MAGI2: variants seen among roughly 807,000 people sequenced by gnomAD.
MAGI2 encodes the protein membrane-associated guanylate kinase, WW and PDZ domain-containing protein 2.
MAGI2 carries 35 observed loss-of-function variants against 133.3 expected under a neutral mutation model. That is an observed-to-expected ratio of 0.26 (90% CI 0.20 to 0.35). The LOEUF is 0.35. MAGI2 is among the 10% of genes least tolerant of loss of function. The pLI, the probability that MAGI2 is intolerant of heterozygous loss-of-function variation, is 1.00. For missense variants in MAGI2, 1,636 were observed against 1,863.4 expected (o/e 0.88, Z 2.25); for synonymous variants, 729 against 710.6 (o/e 1.03, Z -0.41).
chr7:79,397,604 A>C (rs1209497692), intron 1 of MAGI2, among the ~76,000 whole-genome samples: 2 of 152,090 alleles, frequency 1.3e-5, no homozygotes, highest in East Asian at 3.9e-4. Context: ...CCATACTCTA[A>C]CCAGCTTTTA....
intron 2 of MAGI2, among the ~76,000 whole-genome samples, chr7:78,788,565 G>T (rs149175449): frequency 1.4e-5 from 2 of 147,858 alleles, no homozygotes; most frequent in African/African-American, 2.5e-5. Context: ...TGAATTATGG[G>T]CACCTATCTT....
chr7:78,041,003 C>T lies in MAGI2; in HGVS notation c.3707-21027G>A, dbSNP rs148153507. On this transcript the variant is annotated intron_variant, in intron 21 of 21. Coordinates refer to ENST00000354212, the MANE Select transcript of MAGI2 (RefSeq NM_012301.4). ...CTCCACCAGCACTTTGTTGAATGCT[C>T]GTGGCGTGTTGATGGGGAAAGATTG... is the stretch of plus-strand genomic sequence containing the variant. Among the ~76,000 whole-genome samples, 287 of 152,250 alleles carry T rather than the reference C, an allele frequency of 1.9e-3. 1 individual carries two copies. The highest frequency in any genetic ancestry group is 6.6e-3 in the African/African-American group (276 of 41,562).
At chr7:79,021,955 C>G (rs1321459401) in intron 1 of MAGI2, among the ~76,000 whole-genome samples, 2 of 152,094 alleles carry the variant, frequency 1.3e-5, no homozygotes, top group Admixed American at 6.6e-5. Flanking sequence ...GTTTTTGTGA[C>G]AGTGAGCGAG....
In MAGI2 at chr7:78,019,677, C is replaced by T; in HGVS notation, c.4006G>A (p.Gly1336Arg). 1.4e-6 allele frequency: 2 copies of T among 1,445,018 alleles called. No individual in the cohort carries two copies. The highest frequency in any genetic ancestry group is 1.8e-6 in the Non-Finnish European group (2 of 1,104,166). The allele number at this position is 1,445,018 out of a possible 1,614,324, so 89.5% of individuals were successfully genotyped here. A position where few individuals can be genotyped will look rare whatever the true frequency, so the allele number is the denominator to read the frequency against. ...PRLEEAPGGQ[G>R]RPEAGRPASE... ...GCGGGCCTGCCGGCCTCGGGCCGCC[C>T]CTGGCCGCCGGGCGCCTCCTCGAGC... The change falls in exon 22 of 22, where the codon GGG (glycine) becomes AGG (arginine). Residue 1336 changes from glycine to arginine, a missense_variant. Coordinates refer to ENST00000354212, the MANE Select transcript of MAGI2 (RefSeq NM_012301.4).
intron 1 of MAGI2, among the ~76,000 whole-genome samples, chr7:79,235,535 T>C (rs1311490894): frequency 6.6e-6 from 1 of 151,968 alleles, no homozygotes; most frequent in African/African-American, 2.4e-5. Context: ...GCGCAATATT[T>C]GGGTGGGAGT....
intron 2 of MAGI2, among the ~76,000 whole-genome samples, chr7:78,730,216 T>A (rs1316266194): frequency 2.0e-5 from 3 of 152,184 alleles, no homozygotes; most frequent in Non-Finnish European, 4.4e-5. Context: ...TTAAGATATA[T>A]ACCTTAAATT....
intron 8 of MAGI2, among the ~76,000 whole-genome samples, chr7:78,344,760 C>T (rs572445277): frequency 6.6e-4 from 100 of 152,100 alleles, no homozygotes; most frequent in African/African-American, 2.0e-3. Flanking sequence ...ATCATATGCC[C>T]GAATAATCTG....
At chr7:78,672,836 C>A (rs1280376314) in intron 2 of MAGI2, among the ~76,000 whole-genome samples, 1 of 152,264 alleles carries the variant, frequency 6.6e-6, no homozygotes, top group East Asian at 1.9e-4. Context: ...TGCACACACT[C>A]CCTTAGAAGG....
At chr7:79,176,823 G>T (rs1826134889) in intron 1 of MAGI2, among the ~76,000 whole-genome samples, 1 of 151,910 alleles carries the variant, frequency 6.6e-6, no homozygotes, top group Non-Finnish European at 1.5e-5. Context: ...GTTAGTTTTA[G>T]TAAAATGACA....
intron 1 of MAGI2, among the ~76,000 whole-genome samples, chr7:79,283,551 C>T (rs531048085): frequency 1.3e-5 from 2 of 152,106 alleles, no homozygotes; most frequent in Admixed American, 6.6e-5. Context: ...TGACCAAATC[C>T]GATCATGGTA....
intron 3 of MAGI2, among the ~76,000 whole-genome samples, chr7:78,523,652 G>A (rs939245185): frequency 2.0e-5 from 3 of 152,080 alleles, no homozygotes; most frequent in Admixed American, 2.0e-4. Context: ...CAAGGCAGCA[G>A]GAGGGAGAAT....
chr7:78,655,161 C>A (rs183762540), intron 2 of MAGI2, among the ~76,000 whole-genome samples: 1 of 151,562 alleles, frequency 6.6e-6, no homozygotes, highest in African/African-American at 2.4e-5. Context: ...TTTAAAAATG[C>A]CATTCAGGCA....
At chr7:78,793,842 C>A (rs1787376937) in intron 2 of MAGI2, among the ~76,000 whole-genome samples, 1 of 152,162 alleles carries the variant, frequency 6.6e-6, no homozygotes, top group Admixed American at 6.5e-5. Flanking sequence ...GATCGTATAT[C>A]TCATGTACTT....
chr7:79,246,402 A>G (rs1424702416), intron 1 of MAGI2, among the ~76,000 whole-genome samples: 4 of 152,244 alleles, frequency 2.6e-5, no homozygotes, highest in Non-Finnish European at 4.4e-5. Context: ...AAAACTCAAG[A>G]TAACACAAAG....
At chr7:79,261,980 A>G (rs956899720) in intron 1 of MAGI2, among the ~76,000 whole-genome samples, 3 of 152,170 alleles carry the variant, frequency 2.0e-5, no homozygotes, top group African/African-American at 7.2e-5. Context: ...ACCACTGACT[A>G]CTTAACTTGC....
intron 2 of MAGI2, among the ~76,000 whole-genome samples, chr7:79,005,768 CACTT>C: frequency 6.6e-6 from 1 of 152,146 alleles, no homozygotes; most frequent in African/African-American, 2.4e-5. Context: ...ATAGTTCAGT[CACTT>C]ACTTTAATCC....
chr7:79,116,219 T>C (rs530287095), intron 1 of MAGI2, among the ~76,000 whole-genome samples: 1 of 152,304 alleles, frequency 6.6e-6, no homozygotes, highest in East Asian at 1.9e-4. Flanking sequence ...TTCTCTTTTC[T>C]TTCTTACAAG....
At chr7:79,195,694 A>G (rs1246081743) in intron 1 of MAGI2, among the ~76,000 whole-genome samples, 1 of 151,912 alleles carries the variant, frequency 6.6e-6, no homozygotes, top group Non-Finnish European at 1.5e-5. Flanking sequence ...TCAGTGTTTA[A>G]TTCTGCGCAC....
chr7:78,759,446 G>C (rs577009903), intron 2 of MAGI2, among the ~76,000 whole-genome samples: 10 of 152,096 alleles, frequency 6.6e-5, no homozygotes, highest in African/African-American at 9.6e-5. Context: ...TCACAGCATG[G>C]TTGGGATATG....
Sources: allele counts gnomAD v4.1 joint callset (sites outside exome capture counted in the v4.1 genomes callset), GRCh38; gene constraint gnomAD v4.1.1; transcripts MANE v1.5; gene names NCBI Gene and HGNC (gene_info 2026-07-23, HGNC 2026-07-21).